The following CTNNA3 variants were observed in gnomAD, a reference collection of about 807,000 sequenced individuals.
CTNNA3 encodes the protein catenin alpha-3.
CTNNA3 carries 76 observed loss-of-function variants against 95.7 expected under a neutral mutation model. The observed-to-expected ratio is 0.79, with a 90% confidence interval of 0.66 to 0.96. The LOEUF is 0.96. Ranked by LOEUF, CTNNA3 falls within the 40% of genes least tolerant of loss-of-function variation. The pLI, the probability that CTNNA3 is intolerant of heterozygous loss-of-function variation, is 0.00. For missense variants in CTNNA3, 1,191 were observed against 1,089.8 expected (o/e 1.09, Z -1.31); for synonymous variants, 431 against 374.4 (o/e 1.15, Z -1.74).
chr10:66,774,305 AG>A (rs1840208221), intron 8 of CTNNA3, among the ~76,000 whole-genome samples: 1 of 152,100 alleles, frequency 6.6e-6, no homozygotes, highest in Non-Finnish European at 1.5e-5. Flanking sequence ...GATCGCTCTG[AG>A]GATATAAATT....
At chr10:67,730,645 A>C (rs1183453771) in intron 1 of CTNNA3, among the ~76,000 whole-genome samples, 1 of 152,138 alleles carries the variant, frequency 6.6e-6, no homozygotes, top group Non-Finnish European at 1.5e-5. Flanking sequence ...GGCTCTAAGA[A>C]GGGATATCTA....
intron 2 of CTNNA3, among the ~76,000 whole-genome samples, chr10:67,645,575 C>T (rs550403451): frequency 1.3e-5 from 2 of 152,058 alleles, no homozygotes; most frequent in South Asian, 4.2e-4. Flanking sequence ...AAAACTGTCC[C>T]CAAAAAACTT....
At chr10:67,129,597 G>A (rs991983927) in intron 7 of CTNNA3, among the ~76,000 whole-genome samples, 1 of 152,048 alleles carries the variant, frequency 6.6e-6, no homozygotes, top group African/African-American at 2.4e-5. Context: ...TTATAGAGAT[G>A]AGAAAAATGT....
intron 16 of CTNNA3, among the ~76,000 whole-genome samples, chr10:65,973,784 A>T (rs1002260605): frequency 1.3e-5 from 2 of 152,008 alleles, no homozygotes; most frequent in Admixed American, 6.6e-5. Flanking sequence ...AAATGACCAG[A>T]TCTTCTGATA....
chr10:66,733,713 A>G (rs1268978694), intron 9 of CTNNA3, among the ~76,000 whole-genome samples: 1 of 151,722 alleles, frequency 6.6e-6, no homozygotes, highest in Non-Finnish European at 1.5e-5. Context: ...AAATGATTAC[A>G]TGCCTAAGAT....
At chr10:66,346,569 A>G (rs1038326055) in intron 12 of CTNNA3, among the ~76,000 whole-genome samples, 62 of 152,014 alleles carry the variant, frequency 4.1e-4, no homozygotes, top group African/African-American at 1.5e-3. Context: ...GAGCCACCGC[A>G]CCTGGCCAAA....
At chr10:67,086,640 C>T (rs539081693) in intron 7 of CTNNA3, among the ~76,000 whole-genome samples, 19 of 152,046 alleles carry the variant, frequency 1.2e-4, no homozygotes, top group Admixed American at 1.1e-3. Flanking sequence ...AGTTGGAAAG[C>T]AAGTGGGCTA....
rs144610709 is a variant in CTNNA3, at chr10:67,060,011, C to G, written c.1047+120306G>C. ...AAGAATGGCTTTTTTAGGTGAGGCACGATGATAAAAATGTCTTTTTTAGGC... is the reference window on the plus strand; with the variant it reads ...AAGAATGGCTTTTTTAGGTGAGGCAGGATGATAAAAATGTCTTTTTTAGGC... On this transcript the variant is annotated intron_variant, in intron 7 of 17. Transcript: ENST00000433211. Among the ~76,000 whole-genome samples the G allele has an allele frequency of 5.6e-3, 856 of 151,984 alleles. 26 individuals carry two copies. Among genetic ancestry groups the G allele is most frequent in the Admixed American group, 0.046 (706 of 15,248 alleles).
Position 66,474,800 on chromosome 10 carries a change from G to A in CTNNA3, c.1531+45817C>T, listed in dbSNP as rs990720377. Among the ~76,000 whole-genome samples the A allele has an allele frequency of 4.6e-5, 7 of 152,066 alleles. No homozygotes were observed. In the East Asian group the frequency reaches 9.7e-4, roughly 21 times the overall value. ...AATTTCCCTGATGATTAGTGATGCC[G>A]AACATTTTTTCATATACTTGTTAGT... On this transcript the variant is annotated intron_variant, in intron 11 of 17. Coordinates refer to ENST00000433211, the MANE Select transcript of CTNNA3 (RefSeq NM_013266.4).
At chr10:66,501,836 G>A (rs920409765) in intron 11 of CTNNA3, among the ~76,000 whole-genome samples, 3 of 151,916 alleles carry the variant, frequency 2.0e-5, no homozygotes, top group Non-Finnish European at 4.4e-5. Flanking sequence ...GCTTATGAAG[G>A]GGCAAAGGCT....
At position 66,341,624 on chromosome 10, in the gene CTNNA3, G is replaced by A. The variant is rs936589222; in HGVS notation, c.1732+37528C>T. Among the ~76,000 whole-genome samples, 3 of 151,976 alleles carry A rather than the reference G, an allele frequency of 2.0e-5. No homozygotes were observed. In the East Asian group the frequency reaches 5.8e-4, roughly 29 times the overall value. ...ATTTTTCTTTATGCACAATTGCTTG[G>A]TGTTATCTTCTTAATTGAGTCACAG... On this transcript the variant is annotated intron_variant, in intron 12 of 17. Transcript: ENST00000433211.
At chr10:67,640,750 G>T (rs1289069822) in intron 2 of CTNNA3, among the ~76,000 whole-genome samples, 1 of 152,116 alleles carries the variant, frequency 6.6e-6, no homozygotes, top group Non-Finnish European at 1.5e-5. Flanking sequence ...AACAAGAAAT[G>T]GGGAAACGAT....
At chr10:67,216,337 G>A (rs187955510) in intron 6 of CTNNA3, among the ~76,000 whole-genome samples, 1 of 152,154 alleles carries the variant, frequency 6.6e-6, no homozygotes, top group African/African-American at 2.4e-5. Context: ...ATTCTGAGCA[G>A]TGTATCACTT....
intron 5 of CTNNA3, among the ~76,000 whole-genome samples, chr10:67,255,777 T>C (rs1294089544): frequency 1.3e-5 from 2 of 152,214 alleles, no homozygotes; most frequent in East Asian, 1.9e-4. Context: ...CACAGTGTTT[T>C]AGTTTTGTAT....
chr10:66,347,942 T>A (rs1433423985), intron 12 of CTNNA3, among the ~76,000 whole-genome samples: 3 of 152,116 alleles, frequency 2.0e-5, no homozygotes, highest in South Asian at 2.1e-4. Flanking sequence ...CTGAAACTTG[T>A]TAGAGACATG....
intron 9 of CTNNA3, among the ~76,000 whole-genome samples, chr10:66,747,340 A>G (rs1838926509): frequency 6.6e-6 from 1 of 152,226 alleles, no homozygotes; most frequent in Non-Finnish European, 1.5e-5. Flanking sequence ...TCAAGACTAA[A>G]TGGTTAATAG....
At chr10:66,317,233 C>T (rs1020098480) in intron 12 of CTNNA3, among the ~76,000 whole-genome samples, 1 of 152,068 alleles carries the variant, frequency 6.6e-6, no homozygotes, top group Non-Finnish European at 1.5e-5. Context: ...AATACTTCTT[C>T]GTTCAGTATC....
chr10:67,402,183 A>G (rs1352799040), intron 5 of CTNNA3, among the ~76,000 whole-genome samples: 2 of 152,240 alleles, frequency 1.3e-5, no homozygotes, highest in Non-Finnish European at 1.5e-5. Context: ...CAATCCAAGG[A>G]AGCCAAGCAA....
intron 7 of CTNNA3, among the ~76,000 whole-genome samples, chr10:67,072,817 G>A (rs114969035): frequency 6.6e-6 from 1 of 151,974 alleles, no homozygotes; most frequent in African/African-American, 2.4e-5. Flanking sequence ...TTTGAGTTTG[G>A]TGTCTCCAGG....
Sources: allele counts gnomAD v4.1 joint callset (sites outside exome capture counted in the v4.1 genomes callset), GRCh38; gene constraint gnomAD v4.1.1; transcripts MANE v1.5; gene names NCBI Gene and HGNC (gene_info 2026-07-23, HGNC 2026-07-21).